Variants in PCBP3 observed in about 807,000 individuals in gnomAD.
The protein encoded by PCBP3 is poly(rC)-binding protein 3.
A neutral mutation model predicts 52.7 loss-of-function variants in PCBP3; 25 were observed. The observed-to-expected ratio is 0.47, with a 90% CI of 0.35 to 0.66. The LOEUF (loss-of-function observed/expected upper bound fraction) is 0.66, where lower values mean the gene tolerates loss of function less well. Ranked by LOEUF, PCBP3 falls within the 30% of genes least tolerant of loss-of-function variation. The pLI, the probability that PCBP3 is intolerant of heterozygous loss-of-function variation, is 0.01. For synonymous variants in PCBP3, 162 were observed against 183.0 expected (o/e 0.89, Z 0.93); for missense variants, 391 against 490.3 (o/e 0.80, Z 1.91).
At chr21:45,655,106 A>G (rs1439011223) in intron 1 of PCBP3, among the ~76,000 whole-genome samples, 2 of 152,106 alleles carry the variant, frequency 1.3e-5, no homozygotes, top group African/African-American at 4.8e-5. Context: ...TTGTTTATCC[A>G]TTCATCAGTA....
At chr21:45,700,763 C>G (rs2083073271) in intron 2 of PCBP3, among the ~76,000 whole-genome samples, 1 of 152,132 alleles carries the variant, frequency 6.6e-6, no homozygotes, top group East Asian at 1.9e-4. Flanking sequence ...CTGGTCACTC[C>G]CTCCTTCTCA....
At chr21:45,858,061 C>T (rs902345665) in intron 5 of PCBP3, among the ~76,000 whole-genome samples, 2 of 152,248 alleles carry the variant, frequency 1.3e-5, no homozygotes, top group African/African-American at 4.8e-5. Context: ...GGCCATGCCC[C>T]AGGGAGCCTC....
At chr21:45,794,877 C>G (rs576875954) in intron 4 of PCBP3, among the ~76,000 whole-genome samples, 5 of 150,732 alleles carry the variant, frequency 3.3e-5, no homozygotes, top group Middle Eastern at 3.2e-3. Context: ...TGCAGTGAGC[C>G]GAGATTGCGC....
chr21:45,819,270 T>C (rs532328233), intron 4 of PCBP3, among the ~76,000 whole-genome samples: 7 of 152,286 alleles, frequency 4.6e-5, no homozygotes, highest in African/African-American at 1.7e-4. Flanking sequence ...TCTCTGTGTT[T>C]TGTGCTCAGT....
chr21:45,730,146 T>C (rs540113410), intron 2 of PCBP3, among the ~76,000 whole-genome samples: 4 of 151,938 alleles, frequency 2.6e-5, no homozygotes, highest in Non-Finnish European at 4.4e-5. Flanking sequence ...TTTATTTCCC[T>C]AATATAATCA....
intron 5 of PCBP3, chr21:45,870,736 C>T (rs2094969176): frequency 6.6e-6 from 1 of 152,644 alleles, no homozygotes; most frequent in Non-Finnish European, 1.5e-5. Context: ...CCAAGCCACT[C>T]AGTGCCTCTG....
At chr21:45,849,522 T>C (rs2093912530) in intron 4 of PCBP3, among the ~76,000 whole-genome samples, 1 of 152,140 alleles carries the variant, frequency 6.6e-6, no homozygotes, top group Non-Finnish European at 1.5e-5. Context: ...GTGCCTTTTT[T>C]TTCCAAGTCT....
At chr21:45,742,449 T>C (rs1251286130) in intron 3 of PCBP3, among the ~76,000 whole-genome samples, 4 of 152,258 alleles carry the variant, frequency 2.6e-5, no homozygotes, top group Non-Finnish European at 5.9e-5. Context: ...ATAAGCATTC[T>C]TGCATTATTG....
chr21:45,771,028 CAT>C (rs1328725790), intron 4 of PCBP3, among the ~76,000 whole-genome samples: 1 of 152,244 alleles, frequency 6.6e-6, no homozygotes, highest in African/African-American at 2.4e-5. Context: ...GGAGTGTAAA[CAT>C]GTGTGCCTGA....
chr21:45,920,233 C>T (rs528190051), intron 13 of PCBP3, among the ~76,000 whole-genome samples: 1 of 152,306 alleles, frequency 6.6e-6, no homozygotes, highest in South Asian at 2.1e-4. Context: ...CCTGTGGCCA[C>T]AGAGCCTAAC....
rs559051693 is a variant in PCBP3, at chr21:45,754,513, C to T, written c.-161-904C>T. On this transcript the variant is annotated intron_variant, in intron 3 of 17. Transcript: ENST00000681687. Reference sequence around the variant, plus strand: ...AGAAATTATCTCAGGTTTTCAGCAGCATTTAAAAAATATTCCCTGTTGATA... The same window carrying T: ...AGAAATTATCTCAGGTTTTCAGCAGTATTTAAAAAATATTCCCTGTTGATA... 1.4e-4 allele frequency among the ~76,000 whole-genome samples: 22 copies of T among 152,260 alleles called. No individual in the cohort carries two copies. The South Asian group carries it at 4.6e-3, about 32-fold the overall frequency.
chr21:45,736,831 A>C lies in PCBP3; in HGVS notation c.-162+1402A>C, dbSNP rs1229637099. 6.6e-6 allele frequency among the ~76,000 whole-genome samples: 1 copy of C among 152,164 alleles called. No individual in the cohort carries two copies. Among genetic ancestry groups the C allele is most frequent in the Non-Finnish European group, 1.5e-5 (1 of 68,026 alleles). On this transcript the variant is annotated intron_variant, in intron 3 of 17. Transcript: ENST00000681687. The surrounding 1 kb of genome is among the most constrained non-coding windows in gnomAD (Gnocchi z 4.6). ...ATCCTTGTGGGGGGATCGAAAACAT[A>C]AATCTAGTCAGTGAGTTCATCCTGT... is the stretch of plus-strand genomic sequence containing the variant.
intron 9 of PCBP3, among the ~76,000 whole-genome samples, chr21:45,905,047 C>T (rs2149165772): frequency 6.6e-6 from 1 of 152,292 alleles, no homozygotes; most frequent in African/African-American, 2.4e-5. Flanking sequence ...CTGAGAGCAC[C>T]AGAGATTGAG....
chr21:45,888,508 C>T (rs1192364327), intron 5 of PCBP3, among the ~76,000 whole-genome samples: 1 of 152,184 alleles, frequency 6.6e-6, no homozygotes, highest in Non-Finnish European at 1.5e-5. Context: ...GTCTCCCAGC[C>T]GGGGCCACCC....
chr21:45,851,975 A>C (rs2094025825), intron 5 of PCBP3, among the ~76,000 whole-genome samples: 1 of 152,258 alleles, frequency 6.6e-6, no homozygotes, highest in African/African-American at 2.4e-5. Context: ...TAGGAAGAAG[A>C]GAGGCTGGTC....
At chr21:45,888,712 A>G (rs765417876) in intron 5 of PCBP3, among the ~76,000 whole-genome samples, 2 of 152,278 alleles carry the variant, frequency 1.3e-5, no homozygotes, top group African/African-American at 2.4e-5. Flanking sequence ...GTGAAGCTGA[A>G]ATGAATAAAC....
intron 2 of PCBP3, among the ~76,000 whole-genome samples, chr21:45,723,547 C>T (rs181359707): frequency 6.6e-6 from 1 of 152,174 alleles, no homozygotes; most frequent in East Asian, 1.9e-4. Context: ...TGAGTAAAGC[C>T]CATCAGTGTA....
At chr21:45,859,530 T>C (rs1019543038) in intron 5 of PCBP3, among the ~76,000 whole-genome samples, 1 of 152,226 alleles carries the variant, frequency 6.6e-6, no homozygotes, top group Non-Finnish European at 1.5e-5. Flanking sequence ...ACAGCTGGCC[T>C]TCCACTGGCT....
chr21:45,753,681 C>T (rs974534048), intron 3 of PCBP3, among the ~76,000 whole-genome samples: 2 of 152,040 alleles, frequency 1.3e-5, no homozygotes, highest in Non-Finnish European at 2.9e-5. Context: ...TTTTCTCCTT[C>T]ACTATGTAAT....
Sources: gnomAD v4.1 joint callset for allele counts (sites outside exome capture counted in the v4.1 genomes callset) on GRCh38, gnomAD v4.1.1 for gene constraint, Gnocchi (gnomAD v3.1) non-coding constraint, MANE v1.5 for transcripts, NCBI Gene and HGNC (gene_info 2026-07-23, HGNC 2026-07-21) for gene names.